The following MYOM1 variants were observed in gnomAD, a reference collection of about 807,000 sequenced individuals.
The protein encoded by MYOM1 is myomesin 1, also known as myomesin-1.
MYOM1 carries 164 observed loss-of-function variants against 205.3 expected under a neutral mutation model. That is an observed-to-expected ratio of 0.80 (90% CI 0.70 to 0.91). MYOM1 has a LOEUF of 0.91. MYOM1 is among the 40% of genes least tolerant of loss of function. The probability of loss-of-function intolerance (pLI) is 0.00; values close to 1 mark genes in which losing one functional copy is unlikely to be tolerated. For synonymous variants in MYOM1, 772 were observed against 789.4 expected (o/e 0.98, Z 0.37); for missense variants, 2,011 against 2,127.3 (o/e 0.95, Z 1.08).
chr18:3,214,985 G>C lies in MYOM1; in HGVS notation c.239C>G (p.Ser80Cys), dbSNP rs375640511. 4.3e-6 allele frequency: 7 copies of C among 1,610,848 alleles called. No homozygotes were observed. The highest frequency in any genetic ancestry group is 5.9e-6 in the Non-Finnish European group (7 of 1,178,138). ...TGAGGCTGCCTTCCGACTGACTTCA[G>C]AGCTCAGGGCGTGCTGCGAGGCCTG... The part of the protein sequence containing the change: ...QQQASQHALS[S>C]EVSRKAASAY... Residue 80 changes from serine to cysteine, a missense_variant, in exon 2 of 38, where the codon TCT becomes TGT. Transcript: ENST00000356443.
At position 3,112,570 on chromosome 18, in the gene MYOM1, C is replaced by A. The variant is rs8097874; in HGVS notation, c.3304-158G>T. Among the ~76,000 whole-genome samples the A allele has an allele frequency of 0.83, 126,885 of 152,224 alleles. 52,908 individuals are homozygous for A. The highest frequency in any genetic ancestry group is 0.87 in the Middle Eastern group (256 of 294). On this transcript the variant is annotated intron_variant, in intron 21 of 37. Transcript: ENST00000356443. ...CTAGATTTGATTCTGTCAAACACTA[C>A]GCAGGTGACTTTAGCTGTAGATGGT...
intron 33 of MYOM1, among the ~76,000 whole-genome samples, chr18:3,083,352 T>G (rs2079106996): frequency 6.6e-6 from 1 of 152,010 alleles, no homozygotes; most frequent in African/African-American, 2.4e-5. Context: ...GAAAAATTTT[T>G]TCCCTATCCT....
intron 13 of MYOM1, among the ~76,000 whole-genome samples, chr18:3,145,531 T>C (rs1273356967): frequency 6.6e-6 from 1 of 152,038 alleles, no homozygotes; most frequent in Admixed American, 6.6e-5. Flanking sequence ...ATACTCCAAA[T>C]AATCCATGTA....
intron 3 of MYOM1, 57 bp downstream of exon 3, chr18:3,193,761 A>G (rs1020457614): frequency 3.3e-6 from 5 of 1,538,062 alleles, no homozygotes; most frequent in African/African-American, 2.8e-5. Flanking sequence ...TGCCATTCCT[A>G]TAGCACTTAC....
intron 13 of MYOM1, among the ~76,000 whole-genome samples, chr18:3,145,090 C>CCTG (rs1404420381): frequency 6.6e-6 from 1 of 152,084 alleles, no homozygotes; most frequent in Non-Finnish European, 1.5e-5. Context: ...AGGCAGGTAA[C>CCTG]CTGAGGTCAG....
intron 3 of MYOM1, among the ~76,000 whole-genome samples, chr18:3,192,684 C>G (rs8091916): frequency 6.6e-6 from 1 of 152,098 alleles, no homozygotes; most frequent in Admixed American, 6.5e-5. Context: ...TCCTGTTGAG[C>G]TTTAATCTTG....
the MYOM1 span, among the ~76,000 whole-genome samples, chr18:3,239,560 A>G: frequency 6.6e-6 from 1 of 152,034 alleles, no homozygotes; most frequent in African/African-American, 2.4e-5. Context: ...TTCAAGACCA[A>G]GCCTGAGCAA....
At chr18:3,070,798 G>C (rs2078951153) in intron 37 of MYOM1, among the ~76,000 whole-genome samples, 1 of 151,818 alleles carries the variant, frequency 6.6e-6, no homozygotes, top group Non-Finnish European at 1.5e-5. Flanking sequence ...TTGTATGACA[G>C]GGTGTCTGTC....
chr18:3,154,942 C>T lies in MYOM1; in HGVS notation c.1643+5G>A. 1 of 1,609,220 alleles carries T rather than the reference C, an allele frequency of 6.2e-7. No individual in the cohort carries two copies. The highest frequency in any genetic ancestry group is 8.5e-7 in the Non-Finnish European group (1 of 1,177,612). Reference sequence around the variant, plus strand: ...ACTGTAATTGATGTTAGCCTAAGCACTAACTTATCAATAAAATATCCGAGA... The same window carrying T: ...ACTGTAATTGATGTTAGCCTAAGCATTAACTTATCAATAAAATATCCGAGA... On this transcript the variant is annotated splice_donor_5th_base_variant and intron_variant, in intron 11 of 37. Transcript: ENST00000356443.
At chr18:3,160,057 CCTCCTT>C (rs1356890503) in intron 10 of MYOM1, among the ~76,000 whole-genome samples, 2 of 149,244 alleles carry the variant, frequency 1.3e-5, no homozygotes, top group Non-Finnish European at 3.0e-5. Context: ...TCCTCCTCCT[CCTCCTT>C]CTTCTTCTTC....
the MYOM1 span, among the ~76,000 whole-genome samples, chr18:3,242,097 C>T: frequency 2.0e-5 from 3 of 152,146 alleles, no homozygotes; most frequent in African/African-American, 7.2e-5. Flanking sequence ...AGATTTTGGA[C>T]TGTGGACTTC....
At chr18:3,078,725 G>A (rs780948776) in intron 34 of MYOM1, among the ~76,000 whole-genome samples, 5 of 151,974 alleles carry the variant, frequency 3.3e-5, no homozygotes, top group East Asian at 1.9e-4. Flanking sequence ...CCACCATGCC[G>A]GCAGACTATT....
chr18:3,165,034 T>C (rs1192950310), intron 9 of MYOM1, among the ~76,000 whole-genome samples: 2 of 152,204 alleles, frequency 1.3e-5, no homozygotes, highest in Non-Finnish European at 2.9e-5. Flanking sequence ...GAAGGACCTT[T>C]CTGCTGATGT....
chr18:3,182,215 G>A (rs1055445219), intron 5 of MYOM1, among the ~76,000 whole-genome samples: 1 of 151,758 alleles, frequency 6.6e-6, no homozygotes, highest in South Asian at 2.1e-4. Context: ...AGATTTCCAT[G>A]GACAAATTCA....
chr18:3,156,664 G>T (rs191343927), intron 10 of MYOM1, among the ~76,000 whole-genome samples: 2 of 151,546 alleles, frequency 1.3e-5, no homozygotes, highest in African/African-American at 4.9e-5. Context: ...GGAGGGCAGA[G>T]GTGGGATCTC....
chr18:3,236,193 C>A, the MYOM1 span, among the ~76,000 whole-genome samples: 1 of 152,114 alleles, frequency 6.6e-6, no homozygotes, highest in Non-Finnish European at 1.5e-5. Context: ...GGGTGTCAGG[C>A]AGAACAATGA....
intron 2 of MYOM1, among the ~76,000 whole-genome samples, chr18:3,197,873 AAAAAAG>A (rs370225137): frequency 0.01 from 1,542 of 147,762 alleles, 15 homozygotes; most frequent in Non-Finnish European, 0.016. Context: ...ACTCCATCTC[AAAAAAG>A]AAAAAGAAAA....
chr18:3,085,987 GAT>G, intron 30 of MYOM1, 49 bp downstream of exon 30: 2 of 1,178,570 alleles, frequency 1.7e-6, no homozygotes, highest in Non-Finnish European at 2.5e-6. Flanking sequence ...TTTGGGGTAA[GAT>G]AGAGGGTAGA....
chr18:3,157,677 CAAAAATAAT>C (rs766518266), intron 10 of MYOM1, among the ~76,000 whole-genome samples: 3 of 94,522 alleles, frequency 3.2e-5, no homozygotes, highest in African/African-American at 9.1e-5. Flanking sequence ...ACCTTGTCTC[CAAAAATAAT>C]AATAATAATA....
Sources: gnomAD v4.1 joint callset for allele counts (sites outside exome capture counted in the v4.1 genomes callset) on GRCh38, gnomAD v4.1.1 for gene constraint, MANE v1.5 for transcripts, NCBI Gene and HGNC (gene_info 2026-07-23, HGNC 2026-07-21) for gene names.